Variants in CCDC149 observed in about 807,000 individuals in gnomAD.
The protein encoded by CCDC149 is coiled-coil domain-containing protein 149.
Under a neutral mutation model 59.9 loss-of-function variants are expected in CCDC149, and 45 were observed. The ratio of observed to expected loss-of-function variants is 0.75; its 90% CI spans 0.59 to 0.96. The LOEUF (loss-of-function observed/expected upper bound fraction) is 0.96. CCDC149 is among the 40% of genes least tolerant of loss of function. The pLI is 0.00. For missense variants in CCDC149, 584 were observed against 664.7 expected (o/e 0.88, Z 1.33); for synonymous variants, 245 against 260.6 (o/e 0.94, Z 0.58).
chr4:24,897,655 C>A (rs1313541094), intron 1 of CCDC149, among the ~76,000 whole-genome samples: 6 of 152,120 alleles, frequency 3.9e-5, no homozygotes, highest in Non-Finnish European at 8.8e-5. Context: ...CAAACCCCAG[C>A]AAATCAGCAA....
chr4:24,909,791 C>T (rs866178359), intron 1 of CCDC149, among the ~76,000 whole-genome samples: 37 of 152,084 alleles, frequency 2.4e-4, no homozygotes, highest in African/African-American at 7.7e-4. Context: ...TGCCTGCTGC[C>T]ATCCATGTAA....
chr4:24,958,136 C>G (rs1275747199), intron 1 of CCDC149, among the ~76,000 whole-genome samples: 1 of 152,172 alleles, frequency 6.6e-6, no homozygotes, highest in East Asian at 1.9e-4. Flanking sequence ...GGCATAGGTT[C>G]TTTCTCACCA....
chr4:24,876,491 T>C, intron 2 of CCDC149, 45 bp downstream of exon 2: 1 of 1,548,184 alleles, frequency 6.5e-7, no homozygotes, highest in East Asian at 2.3e-5. Context: ...TATATCTTAA[T>C]TCAGGGAACA....
At chr4:24,969,933 G>C (rs4481224) in intron 1 of CCDC149, among the ~76,000 whole-genome samples, 76,799 of 152,106 alleles carry the variant, frequency 0.5, 22,048 homozygotes, top group Non-Finnish European at 0.65. Context: ...TGTTCATAGG[G>C]GAAAGGCCAG....
intron 1 of CCDC149, among the ~76,000 whole-genome samples, chr4:24,910,228 C>T (rs1446576759): frequency 6.6e-6 from 1 of 152,202 alleles, no homozygotes; most frequent in African/African-American, 2.4e-5. Flanking sequence ...TCCTTTCATG[C>T]ATCTCCGTCT....
chr4:24,887,864 C>G (rs1720283114), intron 1 of CCDC149, among the ~76,000 whole-genome samples: 1 of 152,166 alleles, frequency 6.6e-6, no homozygotes, highest in African/African-American at 2.4e-5. Flanking sequence ...CTTTCAGCAT[C>G]TGGCTGCAAC....
intron 1 of CCDC149, among the ~76,000 whole-genome samples, chr4:24,961,364 C>T (rs1723631183): frequency 6.6e-6 from 1 of 152,134 alleles, no homozygotes; most frequent in South Asian, 2.1e-4. Flanking sequence ...GAATCAATAT[C>T]GTGAAAATGG....
At chr4:24,960,507 A>G (rs1263748399) in intron 1 of CCDC149, among the ~76,000 whole-genome samples, 1 of 152,198 alleles carries the variant, frequency 6.6e-6, no homozygotes, top group African/African-American at 2.4e-5. Context: ...TATTCTGCCT[A>G]CAAAAGAAGT....
chr4:24,900,462 A>C (rs1721103275), intron 1 of CCDC149, among the ~76,000 whole-genome samples: 2 of 152,144 alleles, frequency 1.3e-5, no homozygotes. Context: ...AGGCTCTGCA[A>C]ATGGGCCAGA....
At chr4:24,855,814 T>C (rs1717969054) in intron 3 of CCDC149, among the ~76,000 whole-genome samples, 1 of 152,190 alleles carries the variant, frequency 6.6e-6, no homozygotes, top group Non-Finnish European at 1.5e-5. Flanking sequence ...AAACCTATTT[T>C]GTAGGTAGGA....
At chr4:24,951,016 T>C (rs1331316837) in intron 1 of CCDC149, among the ~76,000 whole-genome samples, 2 of 152,140 alleles carry the variant, frequency 1.3e-5, no homozygotes, top group Non-Finnish European at 2.9e-5. Flanking sequence ...GGGACCCCTT[T>C]AGGTTAAAAA....
rs921598767 is a variant in CCDC149 at position 24,912,798 on chromosome 4, G to A, written c.63+19C>T. ...CGCTCGGCCCGGCCCATCCCGCCTGGCCGGCGCCGCGGCCTCACCTCGCTC... is the reference window on the plus strand; with the variant it reads ...CGCTCGGCCCGGCCCATCCCGCCTGACCGGCGCCGCGGCCTCACCTCGCTC... On this transcript the variant is annotated intron_variant, in intron 1 of 12. Transcript: ENST00000635206. 15 of 1,314,336 alleles carry A rather than the reference G, an allele frequency of 1.1e-5. No homozygotes were observed. In the African/African-American group the frequency reaches 1.7e-4, roughly 15 times the overall value. The allele number at this position is 1,314,336 out of a possible 1,614,324, so 81.4% of individuals were successfully genotyped here. A position where few individuals can be genotyped will look rare whatever the true frequency, so the allele number is the denominator to read the frequency against.
rs184974579 is a variant in CCDC149 at position 24,840,935 on chromosome 4, T to C, written c.373-2663A>G. On this transcript the variant is annotated intron_variant, in intron 4 of 12. Coordinates refer to ENST00000635206, the MANE Select transcript of CCDC149 (RefSeq NM_001330643.2). ...CAGGAACCTAACCCTGCATTTCTTC[T>C]AGGAGCAATGGTTCAGTATTCACTA... Among the ~76,000 whole-genome samples the C allele has an allele frequency of 4.7e-4, 72 of 152,328 alleles. No individual in the cohort carries two copies. In the East Asian group the frequency reaches 8.1e-3, roughly 17 times the overall value.
chr4:24,933,104 T>A (rs1426924994), intron 1 of CCDC149, among the ~76,000 whole-genome samples: 1 of 152,188 alleles, frequency 6.6e-6, no homozygotes, highest in African/African-American at 2.4e-5. Context: ...GAGGGGGCTG[T>A]TCTTGTGTTG....
At chr4:24,945,697 C>T (rs1464126937) in intron 1 of CCDC149, among the ~76,000 whole-genome samples, 2 of 150,454 alleles carry the variant, frequency 1.3e-5, no homozygotes, top group Admixed American at 1.3e-4. Context: ...TCTCAGCTTA[C>T]TGCAACCTCC....
chr4:24,938,665 C>T (rs941180990), intron 1 of CCDC149, among the ~76,000 whole-genome samples: 1 of 152,224 alleles, frequency 6.6e-6, no homozygotes, highest in African/African-American at 2.4e-5. Flanking sequence ...GGGTGACAGA[C>T]AGCACCTGGA....
intron 1 of CCDC149, among the ~76,000 whole-genome samples, chr4:24,948,622 T>C (rs568985156): frequency 5.3e-4 from 81 of 152,258 alleles, no homozygotes; most frequent in Admixed American, 8.5e-4. Context: ...ACTCCCTCCC[T>C]CCCAGGCCAC....
intron 3 of CCDC149, among the ~76,000 whole-genome samples, chr4:24,871,606 C>CTCTCTCAT (rs1371651302): frequency 6.6e-6 from 1 of 151,042 alleles, no homozygotes; most frequent in Non-Finnish European, 1.5e-5. Flanking sequence ...AAATAGCTTG[C>CTCTCTCAT]TCTCTCATTC....
chr4:24,943,612 C>A (rs2109350013), intron 1 of CCDC149, among the ~76,000 whole-genome samples: 1 of 152,258 alleles, frequency 6.6e-6, no homozygotes, highest in East Asian at 1.9e-4. Context: ...AAGAAACCAC[C>A]ATCAGAGTGA....
Sources: allele counts gnomAD v4.1 joint callset (sites outside exome capture counted in the v4.1 genomes callset), GRCh38; gene constraint gnomAD v4.1.1; transcripts MANE v1.5; gene names NCBI Gene and HGNC (gene_info 2026-07-23, HGNC 2026-07-21).